The following ST7 variants were observed in gnomAD, a reference collection of about 807,000 sequenced individuals.
ST7 encodes the protein suppression of tumorigenicity 7, also known as suppressor of tumorigenicity 7 protein.
ST7 carries 28 observed loss-of-function variants against 78.7 expected under a neutral mutation model. That is an observed-to-expected ratio of 0.36 (90% CI 0.26 to 0.49). ST7 has a LOEUF of 0.49. Ranked by LOEUF, ST7 falls within the 20% of genes least tolerant of loss-of-function variation. The probability of loss-of-function intolerance (pLI) is 0.99; values close to 1 mark genes in which losing one functional copy is unlikely to be tolerated. For missense variants in ST7, 418 were observed against 696.0 expected (o/e 0.60, Z 4.49); for synonymous variants, 247 against 249.6 (o/e 0.99, Z 0.10).
intron 2 of ST7, 137 bp from the exon 3 acceptor site, chr7:117,119,424 T>G (rs1465727933): frequency 2.0e-5 from 17 of 867,868 alleles, no homozygotes; most frequent in Non-Finnish European, 2.3e-5. Context: ...TACTAAAATC[T>G]AATTTTTAGA....
intron 10 of ST7, among the ~76,000 whole-genome samples, chr7:117,184,389 A>G (rs895058302): frequency 1.3e-5 from 2 of 152,236 alleles, no homozygotes; most frequent in African/African-American, 4.8e-5. Context: ...ACAAAATCAA[A>G]CTAACTTAGA....
intron 9 of ST7, among the ~76,000 whole-genome samples, chr7:117,158,200 T>C (rs1806855204): frequency 6.6e-6 from 1 of 152,220 alleles, no homozygotes; most frequent in South Asian, 2.1e-4. Context: ...GAGGACAATC[T>C]TTGAAGATTT....
At chr7:116,977,789 T>G (rs1201263317) in intron 1 of ST7, among the ~76,000 whole-genome samples, 1 of 152,182 alleles carries the variant, frequency 6.6e-6, no homozygotes, top group Non-Finnish European at 1.5e-5. Context: ...CTTGACCTCA[T>G]GATTCGTCCG....
chr7:117,049,961 C>G (rs1291359655), intron 1 of ST7, among the ~76,000 whole-genome samples: 1 of 151,344 alleles, frequency 6.6e-6, no homozygotes, highest in Non-Finnish European at 1.5e-5. Flanking sequence ...AATCCCTGCA[C>G]TTTGGGAGGC....
intron 1 of ST7, among the ~76,000 whole-genome samples, chr7:117,039,678 A>G (rs1444832487): frequency 1.3e-5 from 2 of 152,248 alleles, no homozygotes; most frequent in African/African-American, 4.8e-5. Context: ...TAGGAAAAAT[A>G]CATCTTTTTA....
intron 1 of ST7, among the ~76,000 whole-genome samples, chr7:116,966,630 T>A (rs1793132755): frequency 6.6e-6 from 1 of 152,204 alleles, no homozygotes; most frequent in Admixed American, 6.5e-5. Context: ...GGAAATCTCT[T>A]TTTAGTATTG....
intron 9 of ST7, among the ~76,000 whole-genome samples, chr7:117,145,012 C>A (rs982847137): frequency 4.6e-5 from 7 of 152,032 alleles, no homozygotes; most frequent in African/African-American, 1.7e-4. Context: ...CCAGCGTGGG[C>A]AACGTGGTAA....
At chr7:117,009,253 TTTTGTTTTTTTTTTTTTG>T (rs564366232) in intron 1 of ST7, among the ~76,000 whole-genome samples, 5,428 of 31,040 alleles carry the variant, frequency 0.17, 345 homozygotes, top group African/African-American at 0.34. Flanking sequence ...TCCACTTTTT[TTTTGTTTTTTTTTTTTTG>T]TTTTTGGCCT....
chr7:117,169,803 C>G (rs62469374), intron 9 of ST7, among the ~76,000 whole-genome samples: 1 of 146,044 alleles, frequency 6.8e-6, no homozygotes, highest in South Asian at 2.2e-4. Flanking sequence ...CCTTAGCAAT[C>G]CTTTTTTTTT....
intron 1 of ST7, among the ~76,000 whole-genome samples, chr7:117,054,849 G>T (rs1190009026): frequency 1.3e-5 from 2 of 152,176 alleles, no homozygotes; most frequent in African/African-American, 4.8e-5. Flanking sequence ...TCCATCTCAT[G>T]ATATTTCTTT....
At chr7:117,085,909 TAATTA>T (rs576589585) in intron 1 of ST7, among the ~76,000 whole-genome samples, 7 of 152,140 alleles carry the variant, frequency 4.6e-5, no homozygotes, top group Non-Finnish European at 8.8e-5. Flanking sequence ...CACGAACTAG[TAATTA>T]AATTAAATTT....
chr7:117,101,716 T>C (rs1276992268), intron 2 of ST7, among the ~76,000 whole-genome samples: 2 of 152,202 alleles, frequency 1.3e-5, no homozygotes, highest in East Asian at 3.8e-4. Flanking sequence ...AGTAGAGTCC[T>C]TAGCATTTTT....
rs1158771355 is a variant in ST7, at chr7:117,002,340, A to AC, written c.151+48651dup. ...TCTCCTAGGCTTAAATGATCCTCCT[A>AC]CCTCAGCCTCTCGAGTAGCTGAGAC... is the stretch of plus-strand genomic sequence containing the variant. On this transcript the variant is annotated intron_variant, in intron 1 of 15. Transcript: ENST00000323984. 1.3e-4 allele frequency among the ~76,000 whole-genome samples: 20 copies of AC among 152,170 alleles called. No individual in the cohort carries two copies. In the East Asian group the frequency reaches 3.5e-3, roughly 26 times the overall value.
chr7:117,207,109 T>C (rs1235197097), intron 12 of ST7, among the ~76,000 whole-genome samples: 1 of 151,978 alleles, frequency 6.6e-6, no homozygotes, highest in Non-Finnish European at 1.5e-5. Context: ...TCCCCTCCCC[T>C]GCCAGGTTGA....
intron 1 of ST7, among the ~76,000 whole-genome samples, chr7:116,965,387 C>T (rs935340531): frequency 8.7e-5 from 13 of 149,630 alleles, no homozygotes; most frequent in African/African-American, 3.2e-4. Flanking sequence ...AGGGGAACAT[C>T]ACACATCGGA....
chr7:116,953,505 AC>A lies in ST7; in HGVS notation c.-34del. On this transcript the variant is annotated 5_prime_UTR_variant, in exon 1 of 16. Transcript: ENST00000323984. ...GGGCCGGTGAATCATCCCGGCAGACACCAAGAGCCGCGGCAGCAGAGAGGAG... is the reference window on the plus strand; with the variant it reads ...GGGCCGGTGAATCATCCCGGCAGACACAAGAGCCGCGGCAGCAGAGAGGAG... 7.8e-7 allele frequency: 1 copy of A among 1,285,984 alleles called. No homozygotes were observed. The highest frequency in any genetic ancestry group is 1.0e-6 in the Non-Finnish European group (1 of 989,184). The allele number at this position is 1,285,984 out of a possible 1,614,324, so 79.7% of individuals were successfully genotyped here.
intron 1 of ST7, among the ~76,000 whole-genome samples, chr7:116,978,289 T>A (rs2116309853): frequency 6.6e-6 from 1 of 152,314 alleles, no homozygotes; most frequent in Non-Finnish European, 1.5e-5. Context: ...TTTTCTGATA[T>A]CCCCCGATTT....
At chr7:117,117,560 G>T (rs1802988086) in intron 2 of ST7, among the ~76,000 whole-genome samples, 1 of 152,108 alleles carries the variant, frequency 6.6e-6, no homozygotes, top group Admixed American at 6.5e-5. Flanking sequence ...CTTGTTGAGT[G>T]GTCAGGATTG....
chr7:117,192,072 T>C (rs747420321), intron 12 of ST7, among the ~76,000 whole-genome samples: 1 of 152,226 alleles, frequency 6.6e-6, no homozygotes, highest in Non-Finnish European at 1.5e-5. Flanking sequence ...TTAGGCCTAA[T>C]GGGTAATGAC....
Sources: gnomAD v4.1 joint callset for allele counts (sites outside exome capture counted in the v4.1 genomes callset) on GRCh38, gnomAD v4.1.1 for gene constraint, MANE v1.5 for transcripts, NCBI Gene and HGNC (gene_info 2026-07-23, HGNC 2026-07-21) for gene names.